The following MYO5B variants were observed in gnomAD, a reference collection of about 807,000 sequenced individuals.
MYO5B encodes the protein myosin VB.
In MYO5B, 143 loss-of-function variants were observed where a neutral mutation model predicts 229.3. The observed-to-expected ratio is 0.62, with a 90% confidence interval of 0.54 to 0.72. The LOEUF is 0.72. MYO5B is among the 30% of genes least tolerant of loss of function. The probability of loss-of-function intolerance (pLI) is 0.00; values close to 1 mark genes in which losing one functional copy is unlikely to be tolerated. For missense variants in MYO5B, 2,321 were observed against 2,331.0 expected, an observed-to-expected ratio of 1.00 and a Z score of 0.09; for synonymous variants, 918 against 885.2, an observed-to-expected ratio of 1.04 and a Z score of -0.66.
chr18:50,146,026 T>A (rs1379270864), intron 1 of MYO5B, among the ~76,000 whole-genome samples: 4 of 152,258 alleles, frequency 2.6e-5, no homozygotes, highest in African/African-American at 9.6e-5. Context: ...CAAATTACTA[T>A]GTCACTTCCC....
At chr18:50,024,149 T>G (rs1262974331) in intron 4 of MYO5B, among the ~76,000 whole-genome samples, 1 of 152,182 alleles carries the variant, frequency 6.6e-6, no homozygotes, top group African/African-American at 2.4e-5. Context: ...AATAAAACTC[T>G]AGGAGCCCAA....
At chr18:49,906,073 C>T (rs1207073055) in intron 19 of MYO5B, among the ~76,000 whole-genome samples, 2 of 152,134 alleles carry the variant, frequency 1.3e-5, no homozygotes, top group Admixed American at 6.5e-5. Flanking sequence ...GTTAACTGTG[C>T]CAGGCTGTAT....
intron 1 of MYO5B, among the ~76,000 whole-genome samples, chr18:50,106,296 C>A (rs60112557): frequency 6.6e-6 from 1 of 152,066 alleles, no homozygotes; most frequent in East Asian, 1.9e-4. Flanking sequence ...CCCACATCAA[C>A]GCATTCTCCT....
Position 50,158,079 on chromosome 18 carries a change from C to T in MYO5B, c.27+36688G>A, listed in dbSNP as rs147362599. On this transcript the variant is annotated intron_variant, in intron 1 of 39. Coordinates refer to ENST00000285039, the MANE Select transcript of MYO5B (RefSeq NM_001080467.3). ...CACATCTAAGGTGGAAGTGGGCACA[C>T]GAAGGCATTTCCCTGAAAACCTTAA... Among the ~76,000 whole-genome samples, 879 of 152,236 alleles carry T rather than the reference C, an allele frequency of 5.8e-3. 6 individuals are homozygous for T. Among genetic ancestry groups the T allele is most frequent in the Middle Eastern group, 0.037 (11 of 294 alleles).
At chr18:50,152,262 A>T (rs1201230997) in intron 1 of MYO5B, among the ~76,000 whole-genome samples, 2 of 152,202 alleles carry the variant, frequency 1.3e-5, no homozygotes, top group Non-Finnish European at 2.9e-5. Context: ...CACAAAGCAT[A>T]AGCTGCTTCA....
At chr18:50,145,497 C>CAAAAAAAAAAAAAAAAAAAAAAAA (rs369507800) in intron 1 of MYO5B, among the ~76,000 whole-genome samples, 1 of 69,986 alleles carries the variant, frequency 1.4e-5, no homozygotes, top group Admixed American at 1.9e-4. Context: ...GACTCCATCT[C>CAAAAAAAAAAAAAAAAAAAAAAAA]AAAAAAAAAA....
chr18:49,963,827 A>G (rs1247212340), intron 10 of MYO5B, among the ~76,000 whole-genome samples: 1 of 152,170 alleles, frequency 6.6e-6, no homozygotes, highest in African/African-American at 2.4e-5. Context: ...CAACCACTGT[A>G]TAGATCAGGG....
chr18:49,896,758 G>A (rs1282922823), intron 21 of MYO5B, among the ~76,000 whole-genome samples: 1 of 152,182 alleles, frequency 6.6e-6, no homozygotes, highest in Non-Finnish European at 1.5e-5. Flanking sequence ...AGGCCCAGCT[G>A]CATTGATCTT....
intron 1 of MYO5B, among the ~76,000 whole-genome samples, chr18:50,109,569 G>A (rs1222022259): frequency 6.6e-6 from 1 of 152,066 alleles, no homozygotes; most frequent in Non-Finnish European, 1.5e-5. Context: ...GGGACTACAG[G>A]CGCCGCCACC....
At chr18:49,849,470 A>T in intron 32 of MYO5B, 97 bp downstream of exon 32, 1 of 896,260 alleles carries the variant, frequency 1.1e-6, no homozygotes, top group Non-Finnish European at 1.9e-6. Flanking sequence ...TCAGTGATGT[A>T]GGAAGAATGT....
intron 5 of MYO5B, among the ~76,000 whole-genome samples, chr18:50,000,492 G>T (rs1419918654): frequency 1.3e-5 from 2 of 152,270 alleles, no homozygotes; most frequent in East Asian, 3.9e-4. Context: ...GCTGTCCCAG[G>T]GACTACGAGG....
At chr18:49,982,866 A>C (rs1427257319) in intron 8 of MYO5B, among the ~76,000 whole-genome samples, 1 of 152,230 alleles carries the variant, frequency 6.6e-6, no homozygotes, top group Non-Finnish European at 1.5e-5. Context: ...TAGTTTTACA[A>C]AAGCAATTTG....
intron 1 of MYO5B, among the ~76,000 whole-genome samples, chr18:50,161,154 C>A (rs2032759071): frequency 6.6e-6 from 1 of 152,174 alleles, no homozygotes; most frequent in Non-Finnish European, 1.5e-5. Context: ...GAGCCCACGG[C>A]AGGCAGATCA....
At chr18:50,183,339 C>A (rs1790447) in intron 1 of MYO5B, among the ~76,000 whole-genome samples, 27,546 of 105,722 alleles carry the variant, frequency 0.26, 3,588 homozygotes, top group South Asian at 0.32. Context: ...ATATATATAT[C>A]TCCTTCAATA....
chr18:49,896,271 T>A (rs1164519307), intron 21 of MYO5B, among the ~76,000 whole-genome samples: 1 of 152,126 alleles, frequency 6.6e-6, no homozygotes, highest in South Asian at 2.1e-4. Flanking sequence ...GAATGAGACA[T>A]GCTACCCGCT....
intron 17 of MYO5B, among the ~76,000 whole-genome samples, chr18:49,928,394 A>G (rs2025153197): frequency 6.6e-6 from 1 of 152,216 alleles, no homozygotes; most frequent in Admixed American, 6.5e-5. Context: ...CTGTCATCCT[A>G]GCACTTTGGG....
Position 49,826,014 on chromosome 18 carries a change from T to G in MYO5B, c.*457A>C, listed in dbSNP as rs1568598394. 1 of 182,576 alleles carries G rather than the reference T, an allele frequency of 5.5e-6. No homozygotes were observed. Among genetic ancestry groups the G allele is most frequent in the East Asian group, 1.4e-4 (1 of 7,330 alleles). The allele number at this position is 182,576 out of a possible 1,614,324, so 11.3% of individuals were successfully genotyped here. ...AACCACACCTATGGTTTGCAAACTTTGGGAAATGTCAGTATATGCCATTAT... is the reference window on the plus strand; with the variant it reads ...AACCACACCTATGGTTTGCAAACTTGGGGAAATGTCAGTATATGCCATTAT... On this transcript the variant is annotated 3_prime_UTR_variant, in exon 40 of 40. Coordinates refer to ENST00000285039, the MANE Select transcript of MYO5B (RefSeq NM_001080467.3).
intron 17 of MYO5B, among the ~76,000 whole-genome samples, chr18:49,917,341 G>A (rs771690430): frequency 1.3e-5 from 2 of 152,218 alleles, no homozygotes; most frequent in Non-Finnish European, 2.9e-5. Context: ...CTCACAGAGG[G>A]TGCTACTGGC....
At chr18:50,177,049 A>T (rs1270681408) in intron 1 of MYO5B, among the ~76,000 whole-genome samples, 1 of 152,238 alleles carries the variant, frequency 6.6e-6, no homozygotes, top group Non-Finnish European at 1.5e-5. Flanking sequence ...GCTTTGAAAA[A>T]ATTTCACATG....
Sources: allele counts gnomAD v4.1 joint callset (sites outside exome capture counted in the v4.1 genomes callset), GRCh38; gene constraint gnomAD v4.1.1; transcripts MANE v1.5; gene names NCBI Gene and HGNC (gene_info 2026-07-23, HGNC 2026-07-21).